The following TMEM181 variants were observed in gnomAD, a reference collection of about 807,000 sequenced individuals.
TMEM181 encodes the protein transmembrane protein 181, also known as G protein-coupled receptor 178.
In TMEM181, 39 loss-of-function variants were observed where a neutral mutation model predicts 71.9. That is an observed-to-expected ratio of 0.54 (90% CI 0.42 to 0.71). TMEM181 has a LOEUF of 0.71. Ranked by LOEUF, TMEM181 falls within the 30% of genes least tolerant of loss-of-function variation. The pLI is 0.00. For synonymous variants in TMEM181, 245 were observed against 228.8 expected (o/e 1.07, Z -0.64); for missense variants, 595 against 583.0 (o/e 1.02, Z -0.21).
chr6:158,625,075 G>A (rs777977959), intron 11 of TMEM181, 29 bp from the exon 12 acceptor site: 8 of 1,576,590 alleles, frequency 5.1e-6, no homozygotes, highest in East Asian at 4.5e-5. Context: ...GCCCTGTTCC[G>A]ACTCAAGTGC....
chr6:158,582,465 G>C (rs1783533767), intron 3 of TMEM181, among the ~76,000 whole-genome samples: 1 of 152,110 alleles, frequency 6.6e-6, no homozygotes, highest in Non-Finnish European at 1.5e-5. Flanking sequence ...ATTCACTTGA[G>C]ACTAGCCTGG....
intron 6 of TMEM181, among the ~76,000 whole-genome samples, chr6:158,601,481 C>T (rs1784666748): frequency 6.6e-6 from 1 of 151,950 alleles, no homozygotes; most frequent in Non-Finnish European, 1.5e-5. Context: ...CAGGAGAGGG[C>T]CAGGTGCAAT....
chr6:158,577,123 A>C (rs1783208331), intron 2 of TMEM181, among the ~76,000 whole-genome samples: 1 of 152,146 alleles, frequency 6.6e-6, no homozygotes, highest in African/African-American at 2.4e-5. Context: ...TCGAAGGGAA[A>C]AAAATGAAGT....
rs144662368 is a variant in TMEM181, at chr6:158,612,819, T to C, written c.896+4069T>C. ...GCTACGGTAATTGAGATTGTCTGTC[T>C]GATATCCTACCCTCAGGGTGCTGCA... On this transcript the variant is annotated intron_variant, in intron 10 of 16. Transcript: ENST00000684151. Among the ~76,000 whole-genome samples the C allele has an allele frequency of 9.8e-5, 15 of 152,358 alleles. 1 individual carries two copies. Among genetic ancestry groups the C allele is most frequent in the Non-Finnish European group, 1.6e-4 (11 of 68,032 alleles).
chr6:158,566,121 C>T (rs561951126), intron 1 of TMEM181, among the ~76,000 whole-genome samples: 4 of 152,126 alleles, frequency 2.6e-5, no homozygotes, highest in South Asian at 2.1e-4. Flanking sequence ...TGTACCTGGA[C>T]GGTTGGAGTT....
At position 158,585,331 on chromosome 6, in the gene TMEM181, T is replaced by C; in HGVS notation, c.287T>C (p.Met96Thr). 1 of 1,607,108 alleles carries C rather than the reference T, an allele frequency of 6.2e-7. No homozygotes were observed. The highest frequency in any genetic ancestry group is 8.5e-7 in the Non-Finnish European group (1 of 1,178,240). Residue 96 changes from methionine (M) to threonine (T), a missense_variant, in exon 5 of 17, where the codon ATG (methionine) becomes ACG (threonine). Coordinates refer to ENST00000684151, the MANE Select transcript of TMEM181 (RefSeq NM_001376852.1). ...ACTTCTATTAAGACAAGCTTTCCCA[T>C]GACTGTTAAAGTCGATGGTGTAGCT... Reference protein sequence around the residue: ...KETSIKTSFPMTVKVDGVAQD... With the variant: ...KETSIKTSFPTTVKVDGVAQD...
chr6:158,567,417 C>T (rs1030070445), intron 1 of TMEM181, among the ~76,000 whole-genome samples: 2 of 152,218 alleles, frequency 1.3e-5, no homozygotes, highest in Non-Finnish European at 2.9e-5. Flanking sequence ...TTTTGTATGC[C>T]TCCCACGTGC....
At chr6:158,598,164 T>C (rs1263754512) in intron 6 of TMEM181, among the ~76,000 whole-genome samples, 1 of 152,232 alleles carries the variant, frequency 6.6e-6, no homozygotes, top group Non-Finnish European at 1.5e-5. Context: ...ACTACAAAAA[T>C]CACTTGTACT....
At chr6:158,572,529 G>A (rs930285968) in intron 1 of TMEM181, 2 of 455,580 alleles carry the variant, frequency 4.4e-6, no homozygotes, top group Non-Finnish European at 8.8e-6. Context: ...TTTGTCGATG[G>A]TTTGACTGGG....
intron 11 of TMEM181, 97 bp downstream of exon 11, chr6:158,623,704 C>A: frequency 3.6e-6 from 3 of 823,172 alleles, no homozygotes; most frequent in South Asian, 1.9e-5. Flanking sequence ...GAGCTTTTTG[C>A]TAACTGACTA....
intron 2 of TMEM181, 93 bp from the exon 3 acceptor site, chr6:158,580,847 T>C: frequency 8.8e-7 from 1 of 1,142,190 alleles, no homozygotes; most frequent in South Asian, 1.4e-5. Context: ...GTCATCTCCG[T>C]GTAATGTGTG....
At position 158,614,887 on chromosome 6, in the gene TMEM181, T is replaced by C. The variant is rs183869559; in HGVS notation, c.896+6137T>C. Among the ~76,000 whole-genome samples the C allele has an allele frequency of 3.8e-3, 577 of 152,354 alleles. 4 individuals carry two copies. Among genetic ancestry groups the C allele is most frequent in the Non-Finnish European group, 6.3e-3 (431 of 68,042 alleles). Reference sequence around the variant, plus strand: ...CACATTTTCTTAATCCAGTCTATCATTGATGAACATTTGGGTTGGTTCCAA... The same window carrying C: ...CACATTTTCTTAATCCAGTCTATCACTGATGAACATTTGGGTTGGTTCCAA... On this transcript the variant is annotated intron_variant, in intron 10 of 16. Transcript: ENST00000684151.
chr6:158,543,029 C>A (rs1000082599), intron 1 of TMEM181, among the ~76,000 whole-genome samples: 3 of 151,922 alleles, frequency 2.0e-5, no homozygotes, highest in Non-Finnish European at 4.4e-5. Context: ...GTGCGTGCCA[C>A]CACGCCTGGC....
intron 1 of TMEM181, among the ~76,000 whole-genome samples, chr6:158,543,767 CA>C (rs1214116093): frequency 6.6e-6 from 1 of 152,154 alleles, no homozygotes; most frequent in Non-Finnish European, 1.5e-5. Context: ...GCCTTATCAC[CA>C]AATAAGGCCA....
Position 158,635,307 on chromosome 6 carries a change from C to G in TMEM181, c.*3419C>G, listed in dbSNP as rs1786897119. 1 of 152,146 alleles carries G rather than the reference C, an allele frequency of 6.6e-6. No homozygotes were observed. Among genetic ancestry groups the G allele is most frequent in the African/African-American group, 2.4e-5 (1 of 41,418 alleles). 9.4% of individuals were successfully genotyped at this position (152,146 alleles called of 1,614,324 possible). On this transcript the variant is annotated 3_prime_UTR_variant, in exon 17 of 17. Transcript: ENST00000684151. ...ACCTGTCCGTGGGGCACAGTGCCAC[C>G]CCATCACAGTGTTGCTGTCATCAGG...
chr6:158,626,636 TTTCA>T (rs71030180), intron 13 of TMEM181: 60,798 of 457,056 alleles, frequency 0.13, 4,418 homozygotes, highest in Non-Finnish European at 0.15. Context: ...TGAACTCAAA[TTTCA>T]TTCAGCATCA....
chr6:158,542,855 G>A (rs952736092), intron 1 of TMEM181, among the ~76,000 whole-genome samples: 2 of 149,106 alleles, frequency 1.3e-5, no homozygotes, highest in African/African-American at 2.5e-5. Context: ...TGCCTGCCTC[G>A]GCCTCCAGAG....
At position 158,618,463 on chromosome 6, in the gene TMEM181, C is replaced by G. The variant is rs868008264; in HGVS notation, c.897-5087C>G. On this transcript the variant is annotated intron_variant, in intron 10 of 16. Transcript: ENST00000684151. Reference sequence around the variant, plus strand: ...CTTTATCCAATTTGCCAGTCTGTGTCTTTTAATTGGGGCATTTAGCCCATT... The same window carrying G: ...CTTTATCCAATTTGCCAGTCTGTGTGTTTTAATTGGGGCATTTAGCCCATT... 2.6e-5 allele frequency among the ~76,000 whole-genome samples: 4 copies of G among 152,250 alleles called. No homozygotes were observed. The East Asian group carries it at 5.8e-4, about 22-fold the overall frequency.
At chr6:158,627,048 C>T (rs1786346186) in intron 13 of TMEM181, among the ~76,000 whole-genome samples, 1 of 150,822 alleles carries the variant, frequency 6.6e-6, no homozygotes, top group Non-Finnish European at 1.5e-5. Flanking sequence ...CACACACCCT[C>T]ATTCTCACAC....
Sources: gnomAD v4.1 joint callset for allele counts (sites outside exome capture counted in the v4.1 genomes callset) on GRCh38, gnomAD v4.1.1 for gene constraint, MANE v1.5 for transcripts, NCBI Gene and HGNC (gene_info 2026-07-23, HGNC 2026-07-21) for gene names.